MTREX: variants seen among roughly 807,000 people sequenced by gnomAD.
MTREX encodes the protein Mtr4 exosome RNA helicase.
In MTREX, 76 loss-of-function variants were observed where a neutral mutation model predicts 135.4. The observed-to-expected ratio is 0.56, with a 90% CI of 0.47 to 0.68. MTREX has a LOEUF of 0.68. Ranked by LOEUF, MTREX falls within the 30% of genes least tolerant of loss-of-function variation. The pLI is 0.00. For missense variants in MTREX, 920 were observed against 1,262.1 expected (o/e 0.73, Z 4.11); for synonymous variants, 404 against 401.6 (o/e 1.01, Z -0.07).
chr5:55,327,449 G>GAAGAA, intron 3 of MTREX: 2 of 327,378 alleles, frequency 6.1e-6, no homozygotes, highest in Admixed American at 4.4e-5. Flanking sequence ...ACTTTAAAAA[G>GAAGAA]TACACAGTTT....
intron 22 of MTREX, among the ~76,000 whole-genome samples, chr5:55,409,604 A>C (rs184915025): frequency 1.3e-5 from 2 of 152,332 alleles, no homozygotes; most frequent in African/African-American, 4.8e-5. Flanking sequence ...CCTTCCTCTC[A>C]ACAAAATCAA....
chr5:55,377,607 G>C (rs1187655694), intron 16 of MTREX, among the ~76,000 whole-genome samples: 1 of 152,092 alleles, frequency 6.6e-6, no homozygotes, highest in African/African-American at 2.4e-5. Flanking sequence ...CTAAATACAA[G>C]TCTAATAATA....
intron 1 of MTREX, among the ~76,000 whole-genome samples, chr5:55,310,466 T>C (rs1749093712): frequency 6.6e-6 from 1 of 152,120 alleles, no homozygotes; most frequent in Admixed American, 6.6e-5. Context: ...AATTTAGCCA[T>C]GCCTGGTGGC....
intron 1 of MTREX, among the ~76,000 whole-genome samples, chr5:55,318,412 G>A (rs1316778699): frequency 6.6e-6 from 1 of 152,076 alleles, no homozygotes; most frequent in Non-Finnish European, 1.5e-5. Flanking sequence ...AATGTGGTAC[G>A]TATACACCAT....
At chr5:55,312,163 T>G (rs1749124014) in intron 1 of MTREX, among the ~76,000 whole-genome samples, 1 of 152,202 alleles carries the variant, frequency 6.6e-6, no homozygotes, top group Non-Finnish European at 1.5e-5. Flanking sequence ...TTTTATCATT[T>G]CTCTCTGCAT....
At chr5:55,349,345 C>G (rs1007668763) in intron 11 of MTREX, among the ~76,000 whole-genome samples, 2 of 152,034 alleles carry the variant, frequency 1.3e-5, no homozygotes. Flanking sequence ...CGCCGCAATG[C>G]CTGGCTAATT....
chr5:55,399,840 G>A (rs540525392), intron 20 of MTREX, among the ~76,000 whole-genome samples: 2 of 152,052 alleles, frequency 1.3e-5, no homozygotes, highest in South Asian at 2.1e-4. Flanking sequence ...CCCTCCCTAG[G>A]CATCAACACC....
At chr5:55,354,840 G>A (rs1221688182) in intron 14 of MTREX, among the ~76,000 whole-genome samples, 1 of 152,158 alleles carries the variant, frequency 6.6e-6, no homozygotes, top group African/African-American at 2.4e-5. Context: ...TGTGGTGGGG[G>A]GAAGGTACCA....
At chr5:55,331,208 CTG>C (rs1289274502) in intron 5 of MTREX, among the ~76,000 whole-genome samples, 4 of 152,090 alleles carry the variant, frequency 2.6e-5, no homozygotes, top group African/African-American at 7.2e-5. Context: ...TCATTACAGA[CTG>C]TGTTTTCCTG....
chr5:55,373,988 C>T (rs1188169972), intron 16 of MTREX, among the ~76,000 whole-genome samples: 2 of 152,022 alleles, frequency 1.3e-5, no homozygotes, highest in African/African-American at 2.4e-5. Flanking sequence ...AAATGCCAGG[C>T]ATGGTGGCTC....
intron 14 of MTREX, chr5:55,356,627 A>G (rs187331144): frequency 1.0e-3 from 169 of 164,960 alleles, no homozygotes; most frequent in Admixed American, 1.2e-3. Flanking sequence ...GCCAGGGCTC[A>G]TTCGAGTAAC....
rs72751781 is a variant in MTREX, at chr5:55,346,331, G to A, written c.1109-682G>A. 8.5e-3 allele frequency among the ~76,000 whole-genome samples: 1,289 copies of A among 152,172 alleles called. 11 individuals carry two copies. Among genetic ancestry groups the A allele is most frequent in the Non-Finnish European group, 0.015 (1,039 of 67,998 alleles). On this transcript the variant is annotated intron_variant, in intron 10 of 26. Coordinates refer to ENST00000230640, the MANE Select transcript of MTREX (RefSeq NM_015360.5). The stretch of plus-strand genomic sequence containing the variant: ...TTTTCTCTATATCCTTTGTATCACC[G>A]TACTCCTCCTCCATAGAAACAGAGG...
chr5:55,338,812 A>ACACAG (rs1491407466), intron 5 of MTREX, among the ~76,000 whole-genome samples: 2 of 78,980 alleles, frequency 2.5e-5, no homozygotes, highest in African/African-American at 7.5e-5. Context: ...TTTTTTTGAG[A>ACACAG]CACAGTCTCA....
chr5:55,374,238 C>A (rs181071256), intron 16 of MTREX, among the ~76,000 whole-genome samples: 1 of 149,270 alleles, frequency 6.7e-6, no homozygotes, highest in Non-Finnish European at 1.5e-5. Flanking sequence ...ACCTGGGCAA[C>A]GGAGCAAGAC....
chr5:55,401,127 C>T (rs946526853), intron 21 of MTREX, among the ~76,000 whole-genome samples: 6 of 152,260 alleles, frequency 3.9e-5, no homozygotes, highest in South Asian at 2.1e-4. Flanking sequence ...CTCTGCCTCC[C>T]GGGTTCAAGT....
In MTREX at chr5:55,405,438, T is replaced by A. The variant is rs1400211312; in HGVS notation, c.2495T>A (p.Ile832Asn). The A allele has an allele frequency of 6.2e-7, 1 of 1,613,152 alleles. No individual in the cohort carries two copies. The highest frequency in any genetic ancestry group is 8.5e-7 in the Non-Finnish European group (1 of 1,179,298). Residue 832 changes from isoleucine (I) to asparagine (N), a missense_variant, in exon 22 of 27, where the codon ATT becomes AAT. Ile to Asn is a moderately radical substitution (Grantham distance 149). Around this residue, in one of 6 missense-constraint regions of MTREX, gnomAD observed 467 missense variants for 589.7 expected, o/e 0.79. Transcript: ENST00000230640. The part of the protein sequence containing the change: ...CEKKAQIAID[I>N]KSAKRELKKA... The stretch of plus-strand genomic sequence containing the variant: ...CATGTGCTTTAGATTGCAATAGATA[T>A]TAAATCTGCAAAGCGAGAACTGAAG...
At chr5:55,421,643 T>C (rs1751057346) in intron 25 of MTREX, among the ~76,000 whole-genome samples, 1 of 152,204 alleles carries the variant, frequency 6.6e-6, no homozygotes, top group Non-Finnish European at 1.5e-5. Flanking sequence ...GAAATAATAA[T>C]ATCACATTGT....
chr5:55,321,666 T>G (rs1297175178), intron 1 of MTREX, among the ~76,000 whole-genome samples: 1 of 150,092 alleles, frequency 6.7e-6, no homozygotes, highest in Non-Finnish European at 1.5e-5. Context: ...TGGAGTGCAG[T>G]GGCGTGATCT....
chr5:55,338,327 CTGA>C (rs1233186371), intron 5 of MTREX, among the ~76,000 whole-genome samples: 1 of 152,044 alleles, frequency 6.6e-6, no homozygotes, highest in Non-Finnish European at 1.5e-5. Context: ...CATCATTCTA[CTGA>C]TATCATTTCA....
Sources: gnomAD v4.1 joint callset for allele counts (sites outside exome capture counted in the v4.1 genomes callset) on GRCh38, gnomAD v4.1.1 for gene constraint, gnomAD v4.1.1 regional missense constraint, MANE v1.5 for transcripts, NCBI Gene and HGNC (gene_info 2026-07-23, HGNC 2026-07-21) for gene names.